The following EML5 variants were observed in gnomAD, a reference collection of about 807,000 sequenced individuals.
EML5 encodes echinoderm microtubule-associated protein-like 5.
EML5 carries 120 observed loss-of-function variants against 250.0 expected under a neutral mutation model. The ratio of observed to expected loss-of-function variants is 0.48; its 90% CI spans 0.41 to 0.56. EML5 has a LOEUF of 0.56. Ranked by LOEUF, EML5 falls within the 20% of genes least tolerant of loss-of-function variation. EML5 has a pLI of 0.00. For missense variants in EML5, 2,006 were observed against 2,437.6 expected (o/e 0.82, Z 3.73); for synonymous variants, 771 against 806.5 (o/e 0.96, Z 0.75).
chr14:88,733,766 T>A (rs143318844), intron 7 of EML5, among the ~76,000 whole-genome samples: 1 of 152,134 alleles, frequency 6.6e-6, no homozygotes, highest in Non-Finnish European at 1.5e-5. Flanking sequence ...AACAATTAGG[T>A]TGAGTCCCCA....
intron 21 of EML5, among the ~76,000 whole-genome samples, chr14:88,676,530 G>T (rs944845678): frequency 7.9e-5 from 12 of 152,216 alleles, no homozygotes; most frequent in African/African-American, 2.9e-4. Context: ...GATCTGAGTG[G>T]GGACACAGCC....
chr14:88,776,931 G>C (rs1176638129), intron 1 of EML5, among the ~76,000 whole-genome samples: 1 of 151,994 alleles, frequency 6.6e-6, no homozygotes, highest in African/African-American at 2.4e-5. Flanking sequence ...ACCCCTATAA[G>C]ATCTAGAAAA....
At chr14:88,758,719 C>A (rs1440330090) in intron 1 of EML5, among the ~76,000 whole-genome samples, 1 of 152,154 alleles carries the variant, frequency 6.6e-6, no homozygotes, top group Non-Finnish European at 1.5e-5. Context: ...AAAACTTGTA[C>A]ACAAATGTTC....
At position 88,615,739 on chromosome 14, in the gene EML5, C is replaced by A; in HGVS notation, c.*79G>T. 2 of 1,375,974 alleles carry A rather than the reference C, an allele frequency of 1.5e-6. No homozygotes were observed. The highest frequency in any genetic ancestry group is 2.4e-5 in the East Asian group (1 of 42,114). The allele number at this position is 1,375,974 out of a possible 1,614,324, so 85.2% of individuals were successfully genotyped here. A position where few individuals can be genotyped will look rare whatever the true frequency, so the allele number is the denominator to read the frequency against. Reference sequence around the variant, plus strand: ...ACAGTCTTGGGTTAGCACCACTTGACCATGCAGGGTTGGGTTTTGGTTTTT... The same window carrying A: ...ACAGTCTTGGGTTAGCACCACTTGAACATGCAGGGTTGGGTTTTGGTTTTT... On this transcript the variant is annotated 3_prime_UTR_variant, in exon 44 of 44. Transcript: ENST00000554922.
rs2087585956 is a variant in EML5 at position 88,616,209 on chromosome 14, G to A, written c.5830C>T (p.His1944Tyr). ...KHKRFLGHSP[H>Y]VTNIRFTSGD... ...CTGGTAAATCGAATATTTGTCACAT[G>A]GGGCGAATGACCCAAGAACCTTTTG... The change falls in exon 43 of 44, where the codon CAT becomes TAT. Residue 1944 changes from histidine (H) to tyrosine (Y), a missense_variant. By Grantham distance (83) the His-to-Tyr change is moderately conservative (BLOSUM62 2). Around this residue, in one of 7 missense-constraint regions of EML5, gnomAD observed 56 missense variants for 55.1 expected, o/e 1.02. Coordinates refer to ENST00000554922, the MANE Select transcript of EML5 (RefSeq NM_183387.3). 1 of 1,613,740 alleles carries A rather than the reference G, an allele frequency of 6.2e-7. No homozygotes were observed.
At chr14:88,643,934 G>A (rs2091211569) in intron 30 of EML5, among the ~76,000 whole-genome samples, 1 of 152,144 alleles carries the variant, frequency 6.6e-6, no homozygotes. Context: ...TACTGCTACC[G>A]GGATTATGAA....
At chr14:88,741,321 C>T (rs1031248477) in intron 4 of EML5, among the ~76,000 whole-genome samples, 3 of 152,210 alleles carry the variant, frequency 2.0e-5, no homozygotes, top group Middle Eastern at 3.4e-3. Context: ...CTACAGCTCA[C>T]GGTAACTGCA....
chr14:88,684,465 C>T (rs765426894), intron 20 of EML5, among the ~76,000 whole-genome samples: 33 of 147,062 alleles, frequency 2.2e-4, no homozygotes, highest in South Asian at 4.4e-4. Flanking sequence ...CCACCGCGCC[C>T]GGCCTGTTTT....
At chr14:88,780,465 T>C (rs1305835328) in intron 1 of EML5, among the ~76,000 whole-genome samples, 2 of 152,152 alleles carry the variant, frequency 1.3e-5, no homozygotes, top group Non-Finnish European at 2.9e-5. Context: ...AGAAACAGAA[T>C]AGAATACATA....
In EML5 at chr14:88,640,836, A is replaced by C. The variant is rs369042306; in HGVS notation, c.4238-1929T>G. ...AGTAGTTAGCTTAACAAAAAAAAGA[A>C]GATCCCAATAAACACAATAAAAAAT... On this transcript the variant is annotated intron_variant, in intron 31 of 43. Transcript: ENST00000554922. Among the ~76,000 whole-genome samples, 69 of 152,234 alleles carry C rather than the reference A, an allele frequency of 4.5e-4. No individual in the cohort carries two copies. The East Asian group carries it at 7.5e-3, about 17-fold the overall frequency.
Position 88,618,732 on chromosome 14 carries a change from G to C in EML5, c.5456C>G (p.Thr1819Ser), listed in dbSNP as rs2088232302. Residue 1819 changes from threonine (T) to serine (S), a missense_variant, in exon 40 of 44, where the codon ACT becomes AGT. Thr to Ser is a moderately conservative substitution (Grantham distance 58). Coordinates refer to ENST00000554922, the MANE Select transcript of EML5 (RefSeq NM_183387.3). ...VDFYDLTLGP[T>S]LNRISYCKDI... The stretch of plus-strand genomic sequence containing the variant: ...TTTGCAGTAGCTGATTCTGTTAAGA[G>C]TGGGGCCCAGCGTTAGGTCATAAAA... 1 of 1,609,084 alleles carries C rather than the reference G, an allele frequency of 6.2e-7. No homozygotes were observed. Among genetic ancestry groups the C allele is most frequent in the African/African-American group, 1.3e-5 (1 of 75,008 alleles).
chr14:88,652,248 A>G (rs2091663619), intron 27 of EML5, among the ~76,000 whole-genome samples: 1 of 152,096 alleles, frequency 6.6e-6, no homozygotes, highest in South Asian at 2.1e-4. Context: ...GTGACCTCCC[A>G]TTGCTATGAT....
chr14:88,641,555 G>T (rs750023425), intron 31 of EML5, among the ~76,000 whole-genome samples: 1 of 152,084 alleles, frequency 6.6e-6, no homozygotes, highest in Non-Finnish European at 1.5e-5. Context: ...CATATAAACA[G>T]AATTAAAAAC....
chr14:88,710,134 T>C (rs1484748486), intron 10 of EML5, among the ~76,000 whole-genome samples: 1 of 152,076 alleles, frequency 6.6e-6, no homozygotes, highest in African/African-American at 2.4e-5. Context: ...GGAAGAGTCC[T>C]GGATTCTTTC....
rs116508824 is a variant in EML5, at chr14:88,613,524, T to G, written c.*2294A>C. The G allele has an allele frequency of 2.9e-3, 449 of 152,266 alleles. 1 individual carries two copies. Among genetic ancestry groups the G allele is most frequent in the African/African-American group, 0.01 (433 of 41,546 alleles). 9.4% of individuals were successfully genotyped at this position (152,266 alleles called of 1,614,324 possible). A position where few individuals can be genotyped will look rare whatever the true frequency, so the allele number is the denominator to read the frequency against. Reference sequence around the variant, plus strand: ...CTAAAATCTGATTGTTTTTTGCTATTTAATAGCCACTGCCCAGACACATAT... The same window carrying G: ...CTAAAATCTGATTGTTTTTTGCTATGTAATAGCCACTGCCCAGACACATAT... On this transcript the variant is annotated 3_prime_UTR_variant, in exon 44 of 44. Transcript: ENST00000554922.
intron 30 of EML5, among the ~76,000 whole-genome samples, chr14:88,643,226 T>A (rs1008862276): frequency 6.6e-6 from 1 of 152,160 alleles, no homozygotes; most frequent in African/African-American, 2.4e-5. Flanking sequence ...CATTCTATAC[T>A]TTTCTATATA....
intron 22 of EML5, 112 bp downstream of exon 22, chr14:88,665,225 T>C: frequency 1.7e-6 from 2 of 1,209,460 alleles, no homozygotes; most frequent in East Asian, 2.6e-5. Context: ...CCTCTTCTAG[T>C]AAAAAAGTTA....
intron 10 of EML5, among the ~76,000 whole-genome samples, chr14:88,710,502 G>C (rs959214232): frequency 6.6e-6 from 1 of 152,122 alleles, no homozygotes; most frequent in African/African-American, 2.4e-5. Context: ...CTAAAAGAAA[G>C]AGTATATTTC....
At chr14:88,699,464 C>G (rs2093158330) in intron 14 of EML5, among the ~76,000 whole-genome samples, 1 of 151,912 alleles carries the variant, frequency 6.6e-6, no homozygotes, top group Non-Finnish European at 1.5e-5. Context: ...CCCTTTTTAT[C>G]TCTTATCATT....
Sources: allele counts gnomAD v4.1 joint callset (sites outside exome capture counted in the v4.1 genomes callset), GRCh38; gene constraint gnomAD v4.1.1; regional missense constraint gnomAD v4.1.1; transcripts MANE v1.5; gene names NCBI Gene and HGNC (gene_info 2026-07-23, HGNC 2026-07-21).